Variants in RASGEF1A observed in about 807,000 individuals in gnomAD.
RASGEF1A encodes ras-GEF domain-containing family member 1A.
RASGEF1A carries 18 observed loss-of-function variants against 56.4 expected under a neutral mutation model. The ratio of observed to expected loss-of-function variants is 0.32; its 90% CI spans 0.22 to 0.47. RASGEF1A has a LOEUF of 0.47. Among genes scored for constraint, RASGEF1A ranks in the 20% least tolerant of loss-of-function variants. The pLI, the probability that RASGEF1A is intolerant of heterozygous loss-of-function variation, is 1.00. For synonymous variants in RASGEF1A, 245 were observed against 242.6 expected, an observed-to-expected ratio of 1.01 and a Z score of -0.09; for missense variants, 422 against 627.1, an observed-to-expected ratio of 0.67 and a Z score of 3.49.
intron 1 of RASGEF1A, among the ~76,000 whole-genome samples, chr10:43,237,401 C>T (rs886915273): frequency 4.6e-5 from 7 of 151,664 alleles, no homozygotes; most frequent in African/African-American, 1.5e-4. Flanking sequence ...GGAGCTGATC[C>T]CTGACCCCAC....
At chr10:43,248,364 T>TAAA (rs34561814) in intron 1 of RASGEF1A, among the ~76,000 whole-genome samples, 8 of 111,386 alleles carry the variant, frequency 7.2e-5, no homozygotes, top group Non-Finnish European at 7.1e-5. Flanking sequence ...ACTCGGTCTT[T>TAAA]AAAAAAAAAA....
In RASGEF1A at chr10:43,196,982, C is replaced by T. The variant is rs1349128331; in HGVS notation, c.1342G>A (p.Glu448Lys). The stretch of plus-strand genomic sequence containing the variant: ...GTTGGGAGGCAGCCCTCACCTTCCT[C>T]GCTGTAGATGGGCGCCGTGAGCAGG... ...SYLLTAPIYS[E>K]EALFVASFES... The change falls in exon 11 of 13, where the codon GAG becomes AAG. Residue 448 changes from glutamate (E) to lysine (K), a missense_variant. Glu to Lys is a moderately conservative substitution (Grantham distance 56). Around this residue, in one of 2 missense-constraint regions of RASGEF1A, gnomAD observed 149 missense variants for 287.2 expected, o/e 0.52. Transcript: ENST00000395810. This position sits in a 1 kb window ranked among gnomAD's most constrained non-coding sequence, Gnocchi z 4.6. 2 of 1,613,438 alleles carry T rather than the reference C, an allele frequency of 1.2e-6. No individual in the cohort carries two copies. The highest frequency in any genetic ancestry group is 1.1e-5 in the South Asian group (1 of 91,028).
intron 2 of RASGEF1A, 34 bp from the exon 3 acceptor site, chr10:43,203,454 G>T: frequency 6.7e-7 from 1 of 1,490,062 alleles, no homozygotes; most frequent in South Asian, 1.3e-5. Flanking sequence ...GGCGGAGGGA[G>T]GGTGAGGCAG....
intron 2 of RASGEF1A, among the ~76,000 whole-genome samples, chr10:43,203,976 G>A (rs919181937): frequency 1.3e-5 from 2 of 152,170 alleles, no homozygotes; most frequent in African/African-American, 4.8e-5. Flanking sequence ...GGCAATGCTG[G>A]TGGGGGCCCC....
At chr10:43,202,792 G>A in intron 3 of RASGEF1A, 1 of 449,570 alleles carries the variant, frequency 2.2e-6, no homozygotes, top group Non-Finnish European at 4.5e-6. Flanking sequence ...CCAACCCACA[G>A]CTCCAGCCCA....
chr10:43,207,072 G>A (rs1277402000), intron 1 of RASGEF1A: 1 of 985,474 alleles, frequency 1.0e-6, no homozygotes, highest in Non-Finnish European at 1.2e-6. Flanking sequence ...CAGACAGCCA[G>A]CCATGCCTGG....
At chr10:43,264,995 G>A (rs760590024) in intron 1 of RASGEF1A, among the ~76,000 whole-genome samples, 3 of 152,150 alleles carry the variant, frequency 2.0e-5, no homozygotes, top group African/African-American at 7.2e-5. Flanking sequence ...GGTGGGGACC[G>A]GCGTGCTCAG....
At chr10:43,201,657 A>AG (rs917717944) in intron 4 of RASGEF1A, 151 bp downstream of exon 4, 70 of 747,216 alleles carry the variant, frequency 9.4e-5, no homozygotes, top group Non-Finnish European at 1.3e-4. Context: ...ATCTGGGGGA[A>AG]GGGAGGTTGA....
At chr10:43,232,205 C>T (rs952586026) in intron 1 of RASGEF1A, among the ~76,000 whole-genome samples, 2 of 152,188 alleles carry the variant, frequency 1.3e-5, no homozygotes, top group East Asian at 1.9e-4. Flanking sequence ...ATCATGGGGG[C>T]GGAGTTCTCA....
intron 1 of RASGEF1A, chr10:43,229,857 G>T: frequency 1.4e-6 from 1 of 690,286 alleles, no homozygotes; most frequent in Non-Finnish European, 2.0e-6. Context: ...GAGGGGCCGC[G>T]AGGCCGGCCA....
At chr10:43,237,086 G>C (rs1000448264) in intron 1 of RASGEF1A, among the ~76,000 whole-genome samples, 3 of 152,044 alleles carry the variant, frequency 2.0e-5, no homozygotes, top group Non-Finnish European at 4.4e-5. Context: ...GAGGGTCTTG[G>C]GACCAGGCTA....
Position 43,200,255 on chromosome 10 carries a change from TC to T in RASGEF1A, c.682del (p.Asp228ThrfsTer11). On this transcript the variant is annotated frameshift_variant and splice_region_variant, in exon 6 of 13. Transcript: ENST00000395810. LOFTEE classifies it high-confidence loss of function. ...CTCAGGGTAAATGCTGCTGACCCTGTCCTGGGGTGGAAGATAGCAAAGGGAA... is the reference window on the plus strand; with the variant it reads ...CTCAGGGTAAATGCTGCTGACCCTGTCTGGGGTGGAAGATAGCAAAGGGAA... ...LAQQLTHIEL[D>X]RVSSIYPEDL... 6.2e-7 allele frequency: 1 copy of T among 1,603,672 alleles called. No individual in the cohort carries two copies. Among genetic ancestry groups the T allele is most frequent in the Non-Finnish European group, 8.5e-7 (1 of 1,174,298 alleles).
chr10:43,220,147 C>T, intron 1 of RASGEF1A, among the ~76,000 whole-genome samples: 1 of 152,226 alleles, frequency 6.6e-6, no homozygotes, highest in East Asian at 1.9e-4. Flanking sequence ...TAGACACTGA[C>T]CAGCCCCAAG....
chr10:43,246,919 T>C (rs1353122300), intron 1 of RASGEF1A, among the ~76,000 whole-genome samples: 1 of 152,198 alleles, frequency 6.6e-6, no homozygotes, highest in Non-Finnish European at 1.5e-5. Flanking sequence ...AGAGATAAAT[T>C]GGACTTGATC....
At chr10:43,230,128 CCGG>C (rs906891717) in intron 1 of RASGEF1A, among the ~76,000 whole-genome samples, 13 of 152,292 alleles carry the variant, frequency 8.5e-5, no homozygotes, top group Admixed American at 2.6e-4. Flanking sequence ...TGCCTCTTAC[CCGG>C]CCCCGGCCTC....
At chr10:43,219,894 GTCC>G (rs1840185276) in intron 1 of RASGEF1A, among the ~76,000 whole-genome samples, 1 of 152,216 alleles carries the variant, frequency 6.6e-6, no homozygotes, top group Non-Finnish European at 1.5e-5. Flanking sequence ...CACTTGAATT[GTCC>G]TCCTGGCAGA....
intron 1 of RASGEF1A, among the ~76,000 whole-genome samples, chr10:43,255,451 C>T (rs966928117): frequency 6.6e-6 from 1 of 152,220 alleles, no homozygotes; most frequent in Non-Finnish European, 1.5e-5. Context: ...CTGGGGACAG[C>T]TGCCCCCACC....
intron 1 of RASGEF1A, among the ~76,000 whole-genome samples, chr10:43,219,751 C>T (rs973051246): frequency 7.2e-5 from 11 of 152,190 alleles, no homozygotes; most frequent in Non-Finnish European, 1.6e-4. Flanking sequence ...TGCACCTCCG[C>T]CCTCTACAGC....
intron 1 of RASGEF1A, among the ~76,000 whole-genome samples, chr10:43,258,951 G>C (rs1223973438): frequency 6.6e-6 from 1 of 152,202 alleles, no homozygotes; most frequent in East Asian, 1.9e-4. Context: ...TCCCCGGCCA[G>C]TGCTCCCCAC....
Sources: allele counts gnomAD v4.1 joint callset (sites outside exome capture counted in the v4.1 genomes callset), GRCh38; gene constraint gnomAD v4.1.1; regional missense constraint gnomAD v4.1.1; non-coding constraint Gnocchi (gnomAD v3.1); transcripts MANE v1.5; gene names NCBI Gene and HGNC (gene_info 2026-07-23, HGNC 2026-07-21).